Variants in NKAIN2 observed in about 807,000 individuals in gnomAD.
NKAIN2 encodes sodium/potassium transporting ATPase interacting 2, also known as sodium/potassium-transporting ATPase subunit beta-1-interacting protein 2.
NKAIN2 carries 14 observed loss-of-function variants against 32.6 expected under a neutral mutation model. That is an observed-to-expected ratio of 0.43 (90% CI 0.28 to 0.67). NKAIN2 has a LOEUF of 0.67. Among genes scored for constraint, NKAIN2 ranks in the 30% least tolerant of loss-of-function variants. The pLI is 0.17. For missense variants in NKAIN2, 198 were observed against 258.3 expected, an observed-to-expected ratio of 0.77 and a Z score of 1.60; for synonymous variants, 80 against 87.2, an observed-to-expected ratio of 0.92 and a Z score of 0.46.
intron 1 of NKAIN2, among the ~76,000 whole-genome samples, chr6:124,189,514 A>T (rs548714641): frequency 1.3e-3 from 200 of 152,180 alleles, no homozygotes; most frequent in Non-Finnish European, 2.5e-3. Context: ...TCCTGCTAAC[A>T]TGGTGAAACT....
At chr6:124,475,198 T>A (rs1389964751) in intron 3 of NKAIN2, among the ~76,000 whole-genome samples, 1 of 152,056 alleles carries the variant, frequency 6.6e-6, no homozygotes, top group Non-Finnish European at 1.5e-5. Flanking sequence ...TCAGTTAACA[T>A]AGGCATTGAT....
chr6:124,534,573 A>G (rs1583402423), intron 3 of NKAIN2, among the ~76,000 whole-genome samples: 1 of 152,258 alleles, frequency 6.6e-6, no homozygotes, highest in South Asian at 2.1e-4. Flanking sequence ...TGAGTATGAC[A>G]GATAGTCGGT....
At chr6:124,814,844 A>T (rs939693782) in intron 5 of NKAIN2, among the ~76,000 whole-genome samples, 12 of 152,260 alleles carry the variant, frequency 7.9e-5, no homozygotes, top group Non-Finnish European at 4.4e-5. Context: ...CATAATTATC[A>T]TCTATTTTTT....
intron 3 of NKAIN2, among the ~76,000 whole-genome samples, chr6:124,651,479 T>C (rs1381111561): frequency 6.6e-6 from 1 of 152,168 alleles, no homozygotes; most frequent in Non-Finnish European, 1.5e-5. Flanking sequence ...AATGTATTCT[T>C]TGATTAGTGG....
intron 3 of NKAIN2, among the ~76,000 whole-genome samples, chr6:124,378,460 T>G (rs1379617317): frequency 1.3e-5 from 2 of 152,156 alleles, no homozygotes; most frequent in African/African-American, 4.8e-5. Flanking sequence ...GGACATCCTG[T>G]TCCTATGAGT....
intron 3 of NKAIN2, among the ~76,000 whole-genome samples, chr6:124,407,545 A>G (rs1773921965): frequency 6.6e-6 from 1 of 152,098 alleles, no homozygotes; most frequent in African/African-American, 2.4e-5. Context: ...TTATGGCTTC[A>G]TAGTATTCCA....
intron 6 of NKAIN2, among the ~76,000 whole-genome samples, chr6:124,820,289 T>G (rs755245974): frequency 1.2e-4 from 18 of 152,316 alleles, no homozygotes; most frequent in Non-Finnish European, 1.8e-4. Context: ...GAAGGCATAC[T>G]GTCTGAGATT....
At chr6:123,884,810 A>G (rs917168157) in intron 1 of NKAIN2, among the ~76,000 whole-genome samples, 6 of 152,142 alleles carry the variant, frequency 3.9e-5, no homozygotes, top group African/African-American at 1.4e-4. Flanking sequence ...ATAGTACTCT[A>G]TTTTACCCTA....
At chr6:124,159,152 C>A (rs1158116363) in intron 1 of NKAIN2, among the ~76,000 whole-genome samples, 1 of 152,112 alleles carries the variant, frequency 6.6e-6, no homozygotes, top group Non-Finnish European at 1.5e-5. Context: ...TCTCCATCAA[C>A]CTTACAATAA....
intron 2 of NKAIN2, among the ~76,000 whole-genome samples, chr6:124,283,481 T>A (rs1453876283): frequency 2.0e-5 from 3 of 152,262 alleles, no homozygotes; most frequent in African/African-American, 7.2e-5. Context: ...TTTTCTCATT[T>A]TAAATAATCA....
intron 1 of NKAIN2, among the ~76,000 whole-genome samples, chr6:123,828,265 C>G (rs1432109463): frequency 1.3e-5 from 2 of 152,088 alleles, no homozygotes; most frequent in East Asian, 1.9e-4. Flanking sequence ...CTGGTCCAGT[C>G]AACATTTATT....
chr6:124,387,461 C>A (rs1772954600), intron 3 of NKAIN2, among the ~76,000 whole-genome samples: 1 of 152,030 alleles, frequency 6.6e-6, no homozygotes, highest in South Asian at 2.1e-4. Context: ...AAATAGTATG[C>A]CAATGCCTGG....
chr6:123,822,330 A>C (rs1210204721), intron 1 of NKAIN2, among the ~76,000 whole-genome samples: 2 of 152,114 alleles, frequency 1.3e-5, no homozygotes, highest in Non-Finnish European at 2.9e-5. Context: ...ATTCGTCTTT[A>C]AGTTTTGCTA....
intron 1 of NKAIN2, among the ~76,000 whole-genome samples, chr6:124,188,536 C>G (rs1789860937): frequency 6.6e-6 from 1 of 152,196 alleles, no homozygotes; most frequent in African/African-American, 2.4e-5. Context: ...GATTGAATAA[C>G]TGGCCTAGGC....
At chr6:123,987,616 G>C (rs999004516) in intron 1 of NKAIN2, among the ~76,000 whole-genome samples, 1 of 152,150 alleles carries the variant, frequency 6.6e-6, no homozygotes, top group Non-Finnish European at 1.5e-5. Context: ...GCAGAATTCA[G>C]TGCCTTGCAT....
chr6:124,406,614 G>C (rs964995499), intron 3 of NKAIN2, among the ~76,000 whole-genome samples: 3 of 151,946 alleles, frequency 2.0e-5, no homozygotes, highest in African/African-American at 4.8e-5. Context: ...ATAATGGCTG[G>C]ATTATATGAA....
intron 3 of NKAIN2, among the ~76,000 whole-genome samples, chr6:124,370,540 T>C (rs1453389081): frequency 1.3e-5 from 2 of 152,018 alleles, no homozygotes; most frequent in African/African-American, 4.8e-5. Flanking sequence ...CACTCAGAGG[T>C]AGCATAATAT....
At chr6:124,210,507 T>C (rs985102174) in intron 1 of NKAIN2, among the ~76,000 whole-genome samples, 1 of 151,998 alleles carries the variant, frequency 6.6e-6, no homozygotes, top group African/African-American at 2.4e-5. Context: ...GAATTGTAGA[T>C]TGCTTTGGGT....
intron 3 of NKAIN2, among the ~76,000 whole-genome samples, chr6:124,567,388 G>A (rs914100639): frequency 2.3e-4 from 35 of 152,144 alleles, no homozygotes; most frequent in African/African-American, 7.9e-4. Context: ...TCAAACAAAC[G>A]ATTTCCATTT....
Sources: allele counts gnomAD v4.1 joint callset (sites outside exome capture counted in the v4.1 genomes callset), GRCh38; gene constraint gnomAD v4.1.1; transcripts MANE v1.5; gene names NCBI Gene and HGNC (gene_info 2026-07-23, HGNC 2026-07-21).